The following PPFIA2 variants were observed in gnomAD, a reference collection of about 807,000 sequenced individuals.
PPFIA2 encodes liprin-alpha-2.
In PPFIA2, 46 loss-of-function variants were observed where a neutral mutation model predicts 175.5. The ratio of observed to expected loss-of-function variants is 0.26; its 90% CI spans 0.21 to 0.34. The LOEUF is 0.34. PPFIA2 is among the 10% of genes least tolerant of loss of function. The pLI, the probability that PPFIA2 is intolerant of heterozygous loss-of-function variation, is 1.00. For synonymous variants in PPFIA2, 568 were observed against 511.4 expected, an observed-to-expected ratio of 1.11 and a Z score of -1.49; for missense variants, 1,179 against 1,506.1, an observed-to-expected ratio of 0.78 and a Z score of 3.60.
At chr12:81,462,570 G>GTATATATATATATACATATA (rs1488105915) in intron 4 of PPFIA2, among the ~76,000 whole-genome samples, 3 of 74,186 alleles carry the variant, frequency 4.0e-5, no homozygotes, top group African/African-American at 5.5e-5. Context: ...ATATATATGT[G>GTATATATATATATACATATA]TATATATATA....
intron 11 of PPFIA2, among the ~76,000 whole-genome samples, chr12:81,372,513 G>GA (rs3075257): frequency 0.049 from 4,544 of 93,484 alleles, 107 homozygotes; most frequent in Non-Finnish European, 0.065. Context: ...AATTGAAACA[G>GA]AAAAAAAAAA....
At chr12:81,295,083 AT>A (rs773331244) in intron 23 of PPFIA2, 48 bp from the exon 24 acceptor site, 11 of 1,519,632 alleles carry the variant, frequency 7.2e-6, no homozygotes, top group Non-Finnish European at 9.9e-6. Context: ...AATAGTTATC[AT>A]TTTAGTGTCT....
intron 3 of PPFIA2, among the ~76,000 whole-genome samples, chr12:81,680,681 C>T (rs1028248496): frequency 1.3e-4 from 19 of 151,942 alleles, no homozygotes; most frequent in African/African-American, 4.6e-4. Context: ...ACACCTCACA[C>T]CTCCCTACAC....
At chr12:81,439,748 T>A in intron 7 of PPFIA2, 1 of 488,940 alleles carries the variant, frequency 2.0e-6, no homozygotes, top group Admixed American at 4.4e-5. Flanking sequence ...AGCTCACATG[T>A]CACTAGCTTT....
At position 81,529,269 on chromosome 12, in the gene PPFIA2, T is replaced by C. The variant is rs951314621; in HGVS notation, c.304-71403A>G. Among the ~76,000 whole-genome samples the C allele has an allele frequency of 2.6e-5, 4 of 152,022 alleles. No homozygotes were observed. In the East Asian group the frequency reaches 7.7e-4, roughly 29 times the overall value. On this transcript the variant is annotated intron_variant, in intron 4 of 32. Coordinates refer to ENST00000549396, the MANE Select transcript of PPFIA2 (RefSeq NM_003625.5). ...ACATAAAGATATAAGCCATGAAGTA[T>C]AAAAACAAAGTCATCATAGATTTCT...
intron 8 of PPFIA2, among the ~76,000 whole-genome samples, chr12:81,395,251 T>C (rs1184224460): frequency 1.3e-5 from 2 of 151,992 alleles, no homozygotes; most frequent in African/African-American, 4.8e-5. Flanking sequence ...TAGAAATAAA[T>C]CTAATCATAT....
chr12:81,523,766 T>G (rs1367470919), intron 4 of PPFIA2, among the ~76,000 whole-genome samples: 2 of 152,116 alleles, frequency 1.3e-5, no homozygotes, highest in Non-Finnish European at 2.9e-5. Flanking sequence ...AGACTAAACT[T>G]TTCCACCCAT....
At chr12:81,350,020 T>C (rs1364149637) in intron 17 of PPFIA2, among the ~76,000 whole-genome samples, 5 of 152,276 alleles carry the variant, frequency 3.3e-5, no homozygotes, top group Admixed American at 6.5e-5. Context: ...TTCATGTATT[T>C]TTAAAATCTT....
rs2037826724 is a variant in PPFIA2, at chr12:81,267,989, A to G, written c.3409T>C (p.Ser1137Pro). The change falls in exon 29 of 33, where the codon TCA becomes CCA. Residue 1137 changes from serine to proline, a missense_variant. By Grantham distance (74) the Ser-to-Pro change is moderately conservative (BLOSUM62 -1). Coordinates refer to ENST00000549396, the MANE Select transcript of PPFIA2 (RefSeq NM_003625.5). The part of the protein sequence containing the change: ...NNILESGVHG[S>P]LIALDENFDY... ...AAGTTTTCATCCAGGGCTATAAGTG[A>G]GCCATGCACACCGCTCTCAAGTATA... The G allele has an allele frequency of 6.3e-7, 1 of 1,599,784 alleles. No individual in the cohort carries two copies. Among genetic ancestry groups the G allele is most frequent in the Middle Eastern group, 1.7e-4 (1 of 6,048 alleles).
intron 4 of PPFIA2, among the ~76,000 whole-genome samples, chr12:81,502,021 T>C (rs1222963063): frequency 6.6e-6 from 1 of 152,168 alleles, no homozygotes; most frequent in Middle Eastern, 3.2e-3. Flanking sequence ...TTCGGAACAC[T>C]TCTCTGTTTT....
At chr12:81,644,902 G>A (rs2065846716) in intron 4 of PPFIA2, among the ~76,000 whole-genome samples, 1 of 151,600 alleles carries the variant, frequency 6.6e-6, no homozygotes, top group African/African-American at 2.4e-5. Context: ...AAACATTTTG[G>A]TAGCAATTTC....
At chr12:81,690,451 A>C (rs1456965254) in intron 3 of PPFIA2, among the ~76,000 whole-genome samples, 1 of 152,024 alleles carries the variant, frequency 6.6e-6, no homozygotes, top group Non-Finnish European at 1.5e-5. Flanking sequence ...GCATCTTTAC[A>C]CTTAGGCACC....
chr12:81,435,851 A>C (rs1013440422), intron 7 of PPFIA2, among the ~76,000 whole-genome samples: 10 of 152,194 alleles, frequency 6.6e-5, no homozygotes, highest in Non-Finnish European at 8.8e-5. Context: ...CACTGTAACA[A>C]GGAGAAACTC....
At chr12:81,261,913 CT>C (rs370589815) in intron 32 of PPFIA2, 35 bp downstream of exon 32, 95,487 of 893,424 alleles carry the variant, frequency 0.11, no homozygotes, top group South Asian at 0.16. Flanking sequence ...ATTTTTTTGT[CT>C]TTTTTTTTTT....
intron 22 of PPFIA2, among the ~76,000 whole-genome samples, chr12:81,310,699 C>G (rs2139045511): frequency 6.6e-6 from 1 of 152,226 alleles, no homozygotes; most frequent in South Asian, 2.1e-4. Flanking sequence ...ATTTGGCCAA[C>G]ATGGTTGACG....
intron 22 of PPFIA2, among the ~76,000 whole-genome samples, chr12:81,321,222 A>C (rs904196065): frequency 6.6e-6 from 1 of 152,116 alleles, no homozygotes; most frequent in African/African-American, 2.4e-5. Flanking sequence ...TTATCAACTG[A>C]TGTTAGGTGT....
intron 4 of PPFIA2, among the ~76,000 whole-genome samples, chr12:81,604,398 C>A (rs2153459278): frequency 6.6e-6 from 1 of 150,832 alleles, no homozygotes; most frequent in South Asian, 2.1e-4. Flanking sequence ...CCTATAAAAT[C>A]AAATAAAATT....
At chr12:81,369,546 C>T (rs2034526177) in intron 11 of PPFIA2, 3 of 704,090 alleles carry the variant, frequency 4.3e-6, no homozygotes, top group South Asian at 6.5e-5. Context: ...ATAAAAGTAA[C>T]ATAATTTTTA....
chr12:81,594,368 T>G (rs2059016032), intron 4 of PPFIA2, among the ~76,000 whole-genome samples: 1 of 152,162 alleles, frequency 6.6e-6, no homozygotes, highest in South Asian at 2.1e-4. Flanking sequence ...TGACAGATAA[T>G]GTTATTAATG....
Sources: gnomAD v4.1 joint callset for allele counts (sites outside exome capture counted in the v4.1 genomes callset) on GRCh38, gnomAD v4.1.1 for gene constraint, MANE v1.5 for transcripts, NCBI Gene and HGNC (gene_info 2026-07-23, HGNC 2026-07-21) for gene names.